SLC12A6: variants seen among roughly 807,000 people sequenced by gnomAD.
The protein encoded by SLC12A6 is solute carrier family 12 member 6.
SLC12A6 carries 66 observed loss-of-function variants against 135.3 expected under a neutral mutation model. The observed-to-expected ratio is 0.49, with a 90% CI of 0.40 to 0.60. SLC12A6 has a LOEUF of 0.60. SLC12A6 is among the 20% of genes least tolerant of loss of function. The pLI is 0.00. For synonymous variants in SLC12A6, 513 were observed against 508.8 expected, an observed-to-expected ratio of 1.01 and a Z score of -0.11; for missense variants, 1,058 against 1,452.3, an observed-to-expected ratio of 0.73 and a Z score of 4.41.
At chr15:34,257,890 A>T in intron 5 of SLC12A6, 102 bp from the exon 6 acceptor site, 1 of 755,296 alleles carries the variant, frequency 1.3e-6, no homozygotes, top group Non-Finnish European at 2.3e-6. Flanking sequence ...ATTAACCTCC[A>T]AGCAGAAATC....
chr15:34,327,901 C>A (rs1889580822), intron 2 of SLC12A6, among the ~76,000 whole-genome samples: 1 of 152,064 alleles, frequency 6.6e-6, no homozygotes, highest in South Asian at 2.1e-4. Flanking sequence ...TCAGGTGCTA[C>A]TTTGCCAAAA....
intron 2 of SLC12A6, among the ~76,000 whole-genome samples, chr15:34,334,076 A>C (rs1595593071): frequency 6.6e-6 from 1 of 151,886 alleles, no homozygotes; most frequent in Non-Finnish European, 1.5e-5. Context: ...ATCTCAAAAA[A>C]AAAAAAAACA....
intron 20 of SLC12A6, 153 bp from the exon 21 acceptor site, chr15:34,238,554 T>C (rs1891433138): frequency 4.4e-6 from 3 of 688,938 alleles, no homozygotes; most frequent in East Asian, 5.4e-5. Flanking sequence ...TCAAAAACCA[T>C]TGTGAAAAAT....
intron 2 of SLC12A6, among the ~76,000 whole-genome samples, chr15:34,304,855 A>G (rs900373314): frequency 6.6e-6 from 1 of 152,136 alleles, no homozygotes; most frequent in Non-Finnish European, 1.5e-5. Context: ...GTCATTTTCC[A>G]TTATTTCTAT....
intron 2 of SLC12A6, among the ~76,000 whole-genome samples, chr15:34,313,441 A>C (rs1472594247): frequency 2.0e-5 from 3 of 152,198 alleles, no homozygotes; most frequent in African/African-American, 7.2e-5. Flanking sequence ...AAGAGAGTTG[A>C]TGGGGGTGCA....
At chr15:34,317,482 C>A (rs1267428678) in intron 2 of SLC12A6, among the ~76,000 whole-genome samples, 1 of 152,090 alleles carries the variant, frequency 6.6e-6, no homozygotes, top group East Asian at 1.9e-4. Context: ...AGCGGGGGAT[C>A]GCTTGAGGTC....
Position 34,233,754 on chromosome 15 carries a change from G to C in SLC12A6, c.*127C>G. On this transcript the variant is annotated 3_prime_UTR_variant, in exon 26 of 26. Coordinates refer to ENST00000354181, the MANE Select transcript of SLC12A6 (RefSeq NM_001365088.1). ...AGGTACTTGAGGCTCAGCTCATCAA[G>C]AGTTCAGTATGATGTGTACAGAACA... is the stretch of plus-strand genomic sequence containing the variant. 1 of 711,258 alleles carries C rather than the reference G, an allele frequency of 1.4e-6. No individual in the cohort carries two copies. Among genetic ancestry groups the C allele is most frequent in the East Asian group, 2.7e-5 (1 of 37,350 alleles). 44.1% of individuals were successfully genotyped at this position (711,258 alleles called of 1,614,324 possible).
chr15:34,263,480 C>A (rs1893294487), intron 3 of SLC12A6, among the ~76,000 whole-genome samples: 1 of 151,800 alleles, frequency 6.6e-6, no homozygotes, highest in Non-Finnish European at 1.5e-5. Context: ...TTTGTACAAA[C>A]CCTTCCACAT....
chr15:34,240,568 A>C (rs1891571868), intron 19 of SLC12A6, 93 bp downstream of exon 19: 1 of 1,117,960 alleles, frequency 8.9e-7, no homozygotes, highest in African/African-American at 1.5e-5. Flanking sequence ...TAGATCACTC[A>C]GGAACAAGAT....
chr15:34,274,925 A>G (rs1894198371), intron 3 of SLC12A6, among the ~76,000 whole-genome samples: 1 of 152,210 alleles, frequency 6.6e-6, no homozygotes, highest in African/African-American at 2.4e-5. Context: ...CTGGAACACC[A>G]AATTCTAAGG....
chr15:34,293,609 C>T (rs347817), intron 2 of SLC12A6, among the ~76,000 whole-genome samples: 58,458 of 152,048 alleles, frequency 0.38, 14,282 homozygotes, highest in African/African-American at 0.71. Context: ...TAGCCTATTT[C>T]ATTTTTTTGA....
At chr15:34,273,564 T>A (rs1244280777) in intron 3 of SLC12A6, among the ~76,000 whole-genome samples, 1 of 152,186 alleles carries the variant, frequency 6.6e-6, no homozygotes, top group African/African-American at 2.4e-5. Flanking sequence ...CTATCCTAAG[T>A]CTTTAATATA....
At chr15:34,289,414 A>G (rs1337154250) in intron 2 of SLC12A6, among the ~76,000 whole-genome samples, 2 of 149,710 alleles carry the variant, frequency 1.3e-5, no homozygotes, top group East Asian at 1.9e-4. Context: ...TTTTGCATCA[A>G]TGTTCATCAG....
intron 22 of SLC12A6, chr15:34,237,056 A>G (rs1891314273): frequency 1.9e-6 from 1 of 524,274 alleles, no homozygotes; most frequent in Non-Finnish European, 3.4e-6. Flanking sequence ...CTTGAAACAC[A>G]AAATACAAAC....
upstream of SLC12A6, chr15:34,337,825 G>C (rs1031193208): frequency 2.0e-5 from 3 of 152,100 alleles, no homozygotes; most frequent in African/African-American, 7.2e-5. Flanking sequence ...TGCCGGGGCT[G>C]GCGCCCCCTC....
At chr15:34,277,644 T>G (rs1180220295) in intron 2 of SLC12A6, among the ~76,000 whole-genome samples, 1 of 152,128 alleles carries the variant, frequency 6.6e-6, no homozygotes, top group East Asian at 1.9e-4. Context: ...AGAAGAACCT[T>G]GGTCATCATC....
chr15:34,275,256 A>T, intron 3 of SLC12A6, 89 bp downstream of exon 3: 1 of 728,450 alleles, frequency 1.4e-6, no homozygotes, highest in East Asian at 2.6e-5. Context: ...GGGGATAGAA[A>T]ATAGAATCAG....
At chr15:34,302,717 G>A (rs1311275342) in intron 2 of SLC12A6, among the ~76,000 whole-genome samples, 2 of 151,930 alleles carry the variant, frequency 1.3e-5, no homozygotes, top group African/African-American at 2.4e-5. Context: ...TCCGGAGGTG[G>A]AGGTGGGATG....
chr15:34,245,592 C>A (rs780801428), intron 14 of SLC12A6, 101 bp downstream of exon 14: 80 of 1,117,284 alleles, frequency 7.2e-5, no homozygotes, highest in Middle Eastern at 2.4e-4. Context: ...AAACCCACGT[C>A]TCCACATTTA....
Sources: allele counts gnomAD v4.1 joint callset (sites outside exome capture counted in the v4.1 genomes callset), GRCh38; gene constraint gnomAD v4.1.1; transcripts MANE v1.5; gene names NCBI Gene and HGNC (gene_info 2026-07-23, HGNC 2026-07-21).